NOTCH2: variants seen among roughly 807,000 people sequenced by gnomAD.
NOTCH2 encodes notch receptor 2, also known as neurogenic locus notch homolog protein 2.
A neutral mutation model predicts 235.8 loss-of-function variants in NOTCH2; 29 were observed. The observed-to-expected ratio is 0.12, with a 90% CI of 0.09 to 0.17. The LOEUF (loss-of-function observed/expected upper bound fraction) is 0.17. Ranked by LOEUF, NOTCH2 falls within the 10% of genes least tolerant of loss-of-function variation. The pLI is 1.00. For synonymous variants in NOTCH2, 1,086 were observed against 1,141.5 expected, an observed-to-expected ratio of 0.95 and a Z score of 0.98; for missense variants, 2,285 against 3,150.2, an observed-to-expected ratio of 0.73 and a Z score of 6.57.
At chr1:119,989,216 A>G (rs1457458809) in intron 4 of NOTCH2, among the ~76,000 whole-genome samples, 3 of 152,210 alleles carry the variant, frequency 2.0e-5, no homozygotes, top group African/African-American at 4.8e-5. Flanking sequence ...TTAAATGGTT[A>G]TTGTAAAGAT....
intron 5 of NOTCH2, among the ~76,000 whole-genome samples, chr1:119,973,486 G>A (rs1438607791): frequency 6.6e-5 from 10 of 152,180 alleles, no homozygotes; most frequent in African/African-American, 2.4e-4. Flanking sequence ...AGTTCACACG[G>A]TTGGTGAGTG....
Position 119,997,275 on chromosome 1 carries a change from G to C in NOTCH2, c.473C>G (p.Thr158Ser). The change falls in exon 4 of 34, where the codon ACC becomes AGC. Residue 158 changes from threonine to serine, a missense_variant. Transcript: ENST00000256646. ...GAACTGGTTGGCCACAGTGGTACAG[G>C]TACTTCCATTTGCACAGGGATGAGA... ...CLSHPCANGS[T>S]CTTVANQFSC... The C allele has an allele frequency of 1.9e-6, 3 of 1,613,976 alleles. No homozygotes were observed. Among genetic ancestry groups the C allele is most frequent in the Non-Finnish European group, 2.5e-6 (3 of 1,179,864 alleles).
chr1:119,967,657 C>A (rs2101144333), intron 7 of NOTCH2, 36 bp from the exon 8 acceptor site: 1 of 1,595,286 alleles, frequency 6.3e-7, no homozygotes, highest in East Asian at 2.2e-5. Flanking sequence ...GGGATCAAAG[C>A]AGTTGAGTTT....
In NOTCH2 at chr1:119,937,371, A is replaced by G. The variant is rs1553195857; in HGVS notation, c.3433T>C (p.Tyr1145His). The part of the protein sequence containing the change: ...CQCPLGYTGS[Y>H]CEEQLDECAS... Reference sequence around the variant, plus strand: ...CACTCATCGAGTTGCTCCTCACAGTAGCTCCCAGTATAGCCCAGGGGGCAC... The same window carrying G: ...CACTCATCGAGTTGCTCCTCACAGTGGCTCCCAGTATAGCCCAGGGGGCAC... The change falls in exon 21 of 34, where the codon TAC becomes CAC. Residue 1145 changes from tyrosine (Y) to histidine (H), a missense_variant. Tyr to His is a moderately conservative substitution (Grantham distance 83). This residue lies in a region of NOTCH2 where 1,173 missense variants were observed against 1,515.3 expected (regional missense o/e 0.77). Coordinates refer to ENST00000256646, the MANE Select transcript of NOTCH2 (RefSeq NM_024408.4). 2 of 1,614,040 alleles carry G rather than the reference A, an allele frequency of 1.2e-6. No homozygotes were observed. Among genetic ancestry groups the G allele is most frequent in the Non-Finnish European group, 8.5e-7 (1 of 1,180,056 alleles).
intron 3 of NOTCH2, among the ~76,000 whole-genome samples, chr1:119,999,966 A>AGAAG (rs1557840220): frequency 1.4e-4 from 17 of 119,482 alleles, no homozygotes; most frequent in Non-Finnish European, 2.3e-4. Context: ...AAAGAAAGAA[A>AGAAG]GAAAGAAAGA....
chr1:119,922,600 C>T (rs1429440162), intron 27 of NOTCH2, 36 bp downstream of exon 27: 1 of 1,613,264 alleles, frequency 6.2e-7, no homozygotes, highest in Admixed American at 1.7e-5. Flanking sequence ...ACACTCTTCC[C>T]CCGCCACCTT....
At chr1:119,962,681 T>G (rs1474089037) in intron 11 of NOTCH2, among the ~76,000 whole-genome samples, 2 of 152,180 alleles carry the variant, frequency 1.3e-5, no homozygotes, top group African/African-American at 4.8e-5. Flanking sequence ...TTTCCTTACA[T>G]CCAGAATGAG....
chr1:119,926,447 G>A (rs1020806888), intron 24 of NOTCH2, 52 bp downstream of exon 24: 7 of 1,302,528 alleles, frequency 5.4e-6, no homozygotes, highest in Non-Finnish European at 7.7e-6. Flanking sequence ...TCTGTTCACA[G>A]ATTGTATGGA....
Position 120,035,400 on chromosome 1 carries a change from T to C in NOTCH2, c.74-5413A>G, listed in dbSNP as rs1214579787. Among the ~76,000 whole-genome samples, 4 of 151,956 alleles carry C rather than the reference T, an allele frequency of 2.6e-5. 1 individual carries two copies. The highest frequency in any genetic ancestry group is 9.7e-5 in the African/African-American group (4 of 41,222). ...TTACTTTAACGAGTCTAGGCTCCCA[T>C]GCTGGCCTTCCAGATCAGAGCTTAC... is the stretch of plus-strand genomic sequence containing the variant. On this transcript the variant is annotated intron_variant, in intron 1 of 33. Coordinates refer to ENST00000256646, the MANE Select transcript of NOTCH2 (RefSeq NM_024408.4).
At position 119,969,646 on chromosome 1, in the gene NOTCH2, C is replaced by T. The variant is rs1553200141; in HGVS notation, c.973G>A (p.Val325Ile). ...TCTCCACTCCAGCCGTTGACACATA[C>T]ACAGCCATAGCCTCCATTGCGGTTG... ...CANRNGGYGC[V>I]CVNGWSGDDC... is the part of the protein sequence containing the mutation. Residue 325 changes from valine to isoleucine, a missense_variant, in exon 6 of 34, where the codon GTA becomes ATA. Coordinates refer to ENST00000256646, the MANE Select transcript of NOTCH2 (RefSeq NM_024408.4). The T allele has an allele frequency of 6.2e-7, 1 of 1,614,156 alleles. No individual in the cohort carries two copies. Among genetic ancestry groups the T allele is most frequent in the East Asian group, 2.2e-5 (1 of 44,872 alleles).
At chr1:120,067,791 T>C (rs587675767) in intron 1 of NOTCH2, among the ~76,000 whole-genome samples, 232 of 152,224 alleles carry the variant, frequency 1.5e-3, no homozygotes, top group African/African-American at 5.2e-3. Flanking sequence ...GCTTCATCAC[T>C]ACAAAGCCTC....
intron 17 of NOTCH2, among the ~76,000 whole-genome samples, chr1:119,943,574 A>C (rs1205563142): frequency 6.6e-6 from 1 of 152,240 alleles, no homozygotes; most frequent in African/African-American, 2.4e-5. Flanking sequence ...CAAATAATTG[A>C]ATATTTGAAC....
At chr1:119,988,193 A>G (rs1652095493) in intron 4 of NOTCH2, among the ~76,000 whole-genome samples, 1 of 152,112 alleles carries the variant, frequency 6.6e-6, no homozygotes, top group African/African-American at 2.4e-5. Flanking sequence ...ACACACATCA[A>G]TCACACTTTG....
At chr1:119,950,639 C>T (rs1464361914) in intron 15 of NOTCH2, 85 bp downstream of exon 15, 2 of 857,284 alleles carry the variant, frequency 2.3e-6, no homozygotes, top group African/African-American at 3.3e-5. Context: ...ATTACAGCCC[C>T]ACAGACCTGG....
At position 119,935,750 on chromosome 1, in the gene NOTCH2, C is replaced by A. The variant is rs1000175155; in HGVS notation, c.3523-146G>T. On this transcript the variant is annotated intron_variant, in intron 21 of 33. Coordinates refer to ENST00000256646, the MANE Select transcript of NOTCH2 (RefSeq NM_024408.4). ...ATGTTTTCTCTGGAACCATCACACT[C>A]TCTGCTAATCATTCTATGCAGGGAC... 5.8e-6 allele frequency: 5 copies of A among 862,954 alleles called. No individual in the cohort carries two copies. In the East Asian group the frequency reaches 7.8e-5, roughly 13 times the overall value. The allele number at this position is 862,954 out of a possible 1,614,324, so 53.5% of individuals were successfully genotyped here. A position where few individuals can be genotyped will look rare whatever the true frequency, so the allele number is the denominator to read the frequency against.
chr1:119,958,664 A>G lies in NOTCH2; in HGVS notation c.2026+728T>C, dbSNP rs186841208. ...CAGTAGTAGCCTCTAGCACTTTTTG[A>G]TCAGGAGGGTAAAAGATAAAGGTAA... On this transcript the variant is annotated intron_variant, in intron 12 of 33. Coordinates refer to ENST00000256646, the MANE Select transcript of NOTCH2 (RefSeq NM_024408.4). 9.2e-5 allele frequency among the ~76,000 whole-genome samples: 14 copies of G among 152,008 alleles called. No homozygotes were observed. In the East Asian group the frequency reaches 2.7e-3, roughly 29 times the overall value.
Position 119,967,424 on chromosome 1 carries a change from C to T in NOTCH2, c.1453+9G>A, listed in dbSNP as rs1553199810. ...TCTCTAGACCCAACATGCTGATGGG[C>T]CCATTTACCTGGCATGCACAGACAT... On this transcript the variant is annotated intron_variant, in intron 8 of 33. Coordinates refer to ENST00000256646, the MANE Select transcript of NOTCH2 (RefSeq NM_024408.4). 3 of 1,612,916 alleles carry T rather than the reference C, an allele frequency of 1.9e-6. No individual in the cohort carries two copies. Among genetic ancestry groups the T allele is most frequent in the East Asian group, 2.2e-5 (1 of 44,858 alleles).
chr1:119,978,659 C>A (rs953734224), intron 5 of NOTCH2, among the ~76,000 whole-genome samples: 1 of 152,120 alleles, frequency 6.6e-6, no homozygotes, highest in South Asian at 2.1e-4. Context: ...GAAAGCTGAC[C>A]CCCGCCACAG....
chr1:119,963,667 T>C lies in NOTCH2; in HGVS notation c.1822A>G (p.Ile608Val), dbSNP rs782423623. 2 of 1,614,166 alleles carry C rather than the reference T, an allele frequency of 1.2e-6. No individual in the cohort carries two copies. The highest frequency in any genetic ancestry group is 2.2e-5 in the South Asian group (2 of 91,078). ...CAAGGGCTGCTGTAACATTCATCAA[T>C]CTGGTCACTGCAGATGGCGCCCATG... ...GYMGAICSDQ[I>V]DECYSSPCLN... Residue 608 changes from isoleucine (I) to valine (V), a missense_variant, in exon 11 of 34, where the codon ATT becomes GTT. This residue lies in a region of NOTCH2 where 431 missense variants were observed against 757.8 expected (regional missense o/e 0.57). Coordinates refer to ENST00000256646, the MANE Select transcript of NOTCH2 (RefSeq NM_024408.4).
Sources: allele counts gnomAD v4.1 joint callset (sites outside exome capture counted in the v4.1 genomes callset), GRCh38; gene constraint gnomAD v4.1.1; regional missense constraint gnomAD v4.1.1; transcripts MANE v1.5; gene names NCBI Gene and HGNC (gene_info 2026-07-23, HGNC 2026-07-21).